Variants in SMARCA2 observed in about 807,000 individuals in gnomAD.
SMARCA2 encodes SWI/SNF related BAF chromatin remodeling complex subunit ATPase 2, also known as SWI/SNF-related matrix-associated actin-dependent regulator of chromatin subfamily A member 2.
SMARCA2 carries 61 observed loss-of-function variants against 199.8 expected under a neutral mutation model. The observed-to-expected ratio is 0.31, with a 90% CI of 0.25 to 0.38. The LOEUF (loss-of-function observed/expected upper bound fraction) is 0.38, where lower values mean the gene tolerates loss of function less well. SMARCA2 is among the 10% of genes least tolerant of loss of function. SMARCA2 has a pLI of 1.00. For missense variants in SMARCA2, 1,344 were observed against 2,012.2 expected (o/e 0.67, Z 6.35); for synonymous variants, 935 against 732.0 (o/e 1.28, Z -4.48).
At chr9:2,052,731 A>G (rs536331567) in intron 5 of SMARCA2, among the ~76,000 whole-genome samples, 1 of 152,190 alleles carries the variant, frequency 6.6e-6, no homozygotes, top group African/African-American at 2.4e-5. Flanking sequence ...AAAATCACTC[A>G]TTTTGATATT....
intron 1 of SMARCA2, among the ~76,000 whole-genome samples, chr9:2,020,225 C>A (rs1818540250): frequency 6.6e-6 from 1 of 152,050 alleles, no homozygotes; most frequent in Admixed American, 6.5e-5. Context: ...CTGATTTCTC[C>A]TTTTTAATGT....
intron 32 of SMARCA2, among the ~76,000 whole-genome samples, chr9:2,188,358 G>C (rs1160149688): frequency 6.6e-6 from 1 of 151,756 alleles, no homozygotes; most frequent in African/African-American, 2.4e-5. Flanking sequence ...ACAGAGAATG[G>C]AGTTTCCATT....
intron 28 of SMARCA2, among the ~76,000 whole-genome samples, chr9:2,163,900 T>C (rs1825811529): frequency 6.6e-6 from 1 of 152,134 alleles, no homozygotes; most frequent in Non-Finnish European, 1.5e-5. Context: ...TGCTTTTTTT[T>C]GAGGGGTGGG....
chr9:2,156,732 A>C (rs1461972318), intron 27 of SMARCA2, among the ~76,000 whole-genome samples: 1 of 152,066 alleles, frequency 6.6e-6, no homozygotes, highest in Admixed American at 6.6e-5. Context: ...TACCTGGCCC[A>C]TTGTAGCCAT....
intron 25 of SMARCA2, among the ~76,000 whole-genome samples, chr9:2,116,490 G>A (rs942563399): frequency 6.6e-6 from 1 of 152,166 alleles, no homozygotes; most frequent in African/African-American, 2.4e-5. Context: ...CAACATGTTT[G>A]TAGGACAAAC....
intron 6 of SMARCA2, 114 bp downstream of exon 6, chr9:2,054,837 T>A (rs1820280308): frequency 9.5e-7 from 1 of 1,053,186 alleles, no homozygotes; most frequent in Non-Finnish European, 1.4e-6. Flanking sequence ...TATAAAGATA[T>A]AAATATAGTA....
intron 8 of SMARCA2, 47 bp from the exon 9 acceptor site, chr9:2,060,769 C>T: frequency 5.1e-6 from 8 of 1,582,786 alleles, no homozygotes; most frequent in Non-Finnish European, 6.9e-6. Flanking sequence ...GTGGAGTTGT[C>T]TGCACGCTTA....
At position 2,101,565 on chromosome 9, in the gene SMARCA2, TA is replaced by T; in HGVS notation, c.3079-2del. The T allele has an allele frequency of 6.7e-7, 1 of 1,484,108 alleles. No homozygotes were observed. Among genetic ancestry groups the T allele is most frequent in the Non-Finnish European group, 9.3e-7 (1 of 1,080,560 alleles). 91.9% of individuals were successfully genotyped at this position (1,484,108 alleles called of 1,614,324 possible). Reference sequence around the variant, plus strand: ...AATCATTCTTTCTATCTCTCTCTTTTAAAGGAATCCTTTGCTGAACACCTAG... The same window carrying T: ...AATCATTCTTTCTATCTCTCTCTTTTAAGGAATCCTTTGCTGAACACCTAG... On this transcript the variant is annotated splice_polypyrimidine_tract_variant and splice_region_variant and intron_variant, in intron 21 of 33. Coordinates refer to ENST00000349721, the MANE Select transcript of SMARCA2 (RefSeq NM_003070.5).
chr9:2,105,185 G>C (rs1822697471), intron 23 of SMARCA2, among the ~76,000 whole-genome samples: 1 of 151,812 alleles, frequency 6.6e-6, no homozygotes, highest in Non-Finnish European at 1.5e-5. Flanking sequence ...TGCCTCTTAG[G>C]GTATTGTTAA....
At position 2,060,983 on chromosome 9, in the gene SMARCA2, G is replaced by C. The variant is rs1355196532; in HGVS notation, c.1689G>C (p.Lys563Asn). ...AKEKKKRRRR[K>N]KKAEENAEGG... ...AGAAGAAGAAGAGGAGGAGGAGGAA[G>C]AAGGTGCGTATCCTAGTGGTGGTGG... The change falls in exon 9 of 34, where the codon AAG becomes AAC. Residue 563 changes from lysine to asparagine, a missense_variant. Physicochemically the swap from Lys to Asn is moderately conservative, Grantham distance 94 (BLOSUM62 0). Transcript: ENST00000349721. 6.2e-7 allele frequency: 1 copy of C among 1,613,252 alleles called. No homozygotes were observed. Among genetic ancestry groups the C allele is most frequent in the Non-Finnish European group, 8.5e-7 (1 of 1,179,676 alleles).
At chr9:2,055,789 C>A (rs1184854912) in intron 6 of SMARCA2, 2 of 152,054 alleles carry the variant, frequency 1.3e-5, no homozygotes, top group East Asian at 3.9e-4. Context: ...TATTGGTGAC[C>A]TCATAAGATG....
At chr9:2,182,549 AG>A (rs1563837020) in intron 31 of SMARCA2, among the ~76,000 whole-genome samples, 1 of 127,712 alleles carries the variant, frequency 7.8e-6, no homozygotes, top group African/African-American at 3.0e-5. Context: ...GCTGGAGTGC[AG>A]TGGTGCCTTC....
At chr9:2,093,087 A>T (rs1407681817) in intron 19 of SMARCA2, among the ~76,000 whole-genome samples, 1 of 152,196 alleles carries the variant, frequency 6.6e-6, no homozygotes, top group Non-Finnish European at 1.5e-5. Context: ...ACAATATACC[A>T]GAAATGGGAG....
chr9:2,134,000 C>T (rs997684659), intron 27 of SMARCA2, among the ~76,000 whole-genome samples: 2 of 152,112 alleles, frequency 1.3e-5, no homozygotes, highest in Non-Finnish European at 2.9e-5. Context: ...ATCATAGAAC[C>T]TACTTGATAG....
In SMARCA2 at chr9:2,119,433, A is replaced by G. The variant is rs1446909403; in HGVS notation, c.3685-25A>G. 6.4e-7 allele frequency: 1 copy of G among 1,563,354 alleles called. No individual in the cohort carries two copies. Among genetic ancestry groups the G allele is most frequent in the Non-Finnish European group, 8.8e-7 (1 of 1,133,834 alleles). On this transcript the variant is annotated intron_variant, in intron 25 of 33. Transcript: ENST00000349721. This position sits in a 1 kb window ranked among gnomAD's most constrained non-coding sequence, Gnocchi z 4.6. Reference sequence around the variant, plus strand: ...ACCTTGCCCCAGCTGTCCACTGGTTAAAATCACTCTGTTTTTAACCCCAGG... The same window carrying G: ...ACCTTGCCCCAGCTGTCCACTGGTTGAAATCACTCTGTTTTTAACCCCAGG...
At chr9:2,047,183 G>T (rs1434746636) in intron 4 of SMARCA2, 46 bp from the exon 5 acceptor site, 1 of 1,014,318 alleles carries the variant, frequency 9.9e-7, no homozygotes, top group East Asian at 8.4e-5. Context: ...TGTGGCCCGC[G>T]GGGCGCCGTC....
rs779970953 is a variant in SMARCA2 at position 2,033,030 on chromosome 9, C to A, written c.304C>A (p.Pro102Thr). ...GSMKGTGMRPPHPGMGPPQSP... is the reference protein window; with the variant it reads ...GSMKGTGMRPTHPGMGPPQSP... ...CATGAAGGGCACTGGTATGCGACCA[C>A]CTCACCCAGGCATGGGCCCTCCCCA... The change falls in exon 3 of 34, where the codon CCT (proline) becomes ACT (threonine). Residue 102 changes from proline to threonine, a missense_variant. This residue lies in a region of SMARCA2 where 275 missense variants were observed against 247.5 expected (regional missense o/e 1.11). Coordinates refer to ENST00000349721, the MANE Select transcript of SMARCA2 (RefSeq NM_003070.5). The A allele has an allele frequency of 1.6e-5, 26 of 1,614,064 alleles. No individual in the cohort carries two copies. In the South Asian group the frequency reaches 1.9e-4, roughly 12 times the overall value.
At chr9:2,047,647 G>A in intron 5 of SMARCA2, 163 bp downstream of exon 5, 1 of 850,474 alleles carries the variant, frequency 1.2e-6, no homozygotes, top group Non-Finnish European at 1.6e-6. Flanking sequence ...GTGCTGAGGG[G>A]AGGCACCGGG....
At chr9:2,190,742 G>C (rs1290085914) in intron 32 of SMARCA2, among the ~76,000 whole-genome samples, 1 of 152,060 alleles carries the variant, frequency 6.6e-6, no homozygotes, top group African/African-American at 2.4e-5. Context: ...CTAGGAATGG[G>C]GGAAAGGAAG....
Sources: gnomAD v4.1 joint callset for allele counts (sites outside exome capture counted in the v4.1 genomes callset) on GRCh38, gnomAD v4.1.1 for gene constraint, gnomAD v4.1.1 regional missense constraint, Gnocchi (gnomAD v3.1) non-coding constraint, MANE v1.5 for transcripts, NCBI Gene and HGNC (gene_info 2026-07-23, HGNC 2026-07-21) for gene names.